TPTE2: variants seen among roughly 807,000 people sequenced by gnomAD.
TPTE2 encodes the protein phosphatidylinositol 3,4,5-trisphosphate 3-phosphatase TPTE2.
TPTE2 carries 53 observed loss-of-function variants against 78.6 expected under a neutral mutation model. The observed-to-expected ratio is 0.67, with a 90% confidence interval of 0.54 to 0.85. The LOEUF is 0.85. Ranked by LOEUF, TPTE2 falls within the 40% of genes least tolerant of loss-of-function variation. The pLI, the probability that TPTE2 is intolerant of heterozygous loss-of-function variation, is 0.00. For synonymous variants in TPTE2, 175 were observed against 206.2 expected (o/e 0.85, Z 1.30); for missense variants, 461 against 623.0 (o/e 0.74, Z 2.77).
intron 1 of TPTE2, among the ~76,000 whole-genome samples, chr13:19,523,474 T>C (rs750691057): frequency 2.6e-5 from 4 of 152,310 alleles, no homozygotes; most frequent in Admixed American, 2.0e-4. Context: ...CTTTTATTTT[T>C]ATTTTTTATT....
chr13:19,554,105 G>A, the TPTE2 span, among the ~76,000 whole-genome samples: 6 of 152,146 alleles, frequency 3.9e-5, no homozygotes, highest in Non-Finnish European at 7.3e-5. Flanking sequence ...GCCGGGCATG[G>A]TGGCTCACGC....
chr13:19,469,412 G>A (rs1879474157), intron 6 of TPTE2, among the ~76,000 whole-genome samples: 1 of 152,102 alleles, frequency 6.6e-6, no homozygotes, highest in African/African-American at 2.4e-5. Flanking sequence ...GTGCCATGGT[G>A]TTTTGGTTAT....
intron 14 of TPTE2, 93 bp from the exon 18 acceptor site, chr13:19,436,399 C>A (rs1877092482): frequency 1.7e-6 from 2 of 1,175,216 alleles, no homozygotes; most frequent in Non-Finnish European, 2.4e-6. Context: ...CACCTTCTTT[C>A]CTAAAGTCAG....
chr13:19,507,797 C>T (rs1869173481), upstream of TPTE2, among the ~76,000 whole-genome samples: 1 of 152,170 alleles, frequency 6.6e-6, no homozygotes, highest in Non-Finnish European at 1.5e-5. Flanking sequence ...CCAGCTGTAC[C>T]CAGTTGTAAC....
In TPTE2 at chr13:19,423,171, A is replaced by T. The variant is rs761236507; in HGVS notation, c.1467-7T>A. ...ATTTCTTGGTAGACAAAGCCTAAGA[A>T]TAGAAAAAAAAAATTACATTTTATA... On this transcript the variant is annotated splice_polypyrimidine_tract_variant and splice_region_variant and intron_variant, in intron 19 of 19. Coordinates refer to ENST00000400230, the Ensembl canonical transcript of TPTE2. 6.3e-7 allele frequency: 1 copy of T among 1,597,044 alleles called. No individual in the cohort carries two copies. Among genetic ancestry groups the T allele is most frequent in the Non-Finnish European group, 8.5e-7 (1 of 1,172,450 alleles).
intron 15 of TPTE2, 31 bp downstream of exon 18, chr13:19,436,195 A>G (rs1363641084): frequency 6.3e-7 from 1 of 1,582,186 alleles, no homozygotes; most frequent in Non-Finnish European, 8.6e-7. Context: ...ACTCCCCTAA[A>G]AAAACTCCCA....
chr13:19,476,745 A>G (rs1308917466), intron 4 of TPTE2, among the ~76,000 whole-genome samples: 3 of 152,200 alleles, frequency 2.0e-5, no homozygotes, highest in African/African-American at 7.2e-5. Flanking sequence ...GAGAAAAGGG[A>G]ACACTTATAC....
chr13:19,470,988 C>T (rs1262906145), intron 6 of TPTE2, among the ~76,000 whole-genome samples: 1 of 151,754 alleles, frequency 6.6e-6, no homozygotes, highest in Non-Finnish European at 1.5e-5. Flanking sequence ...CAGCTCACTG[C>T]AACCTCTGCC....
chr13:19,557,149 C>T, the TPTE2 span, among the ~76,000 whole-genome samples: 2 of 152,190 alleles, frequency 1.3e-5, no homozygotes, highest in African/African-American at 4.8e-5. Context: ...CATAGAGGTA[C>T]ACTGTAAATG....
intron 1 of TPTE2, among the ~76,000 whole-genome samples, chr13:19,498,388 C>A (rs1191973288): frequency 6.6e-6 from 1 of 152,030 alleles, no homozygotes; most frequent in Non-Finnish European, 1.5e-5. Context: ...ATGTTCAGGG[C>A]AGCCAGAAAG....
At chr13:19,434,684 G>C (rs985478651) in intron 15 of TPTE2, among the ~76,000 whole-genome samples, 1 of 152,118 alleles carries the variant, frequency 6.6e-6, no homozygotes, top group Non-Finnish European at 1.5e-5. Flanking sequence ...GTTTAGGGCC[G>C]GTAGTTAGAG....
At chr13:19,471,575 G>A (rs1363154471) in intron 6 of TPTE2, among the ~76,000 whole-genome samples, 1 of 151,924 alleles carries the variant, frequency 6.6e-6, no homozygotes, top group Non-Finnish European at 1.5e-5. Flanking sequence ...ACTTAAATTT[G>A]TCTCGCTATT....
At chr13:19,515,669 T>C (rs148390689) in intron 1 of TPTE2, among the ~76,000 whole-genome samples, 1,988 of 152,314 alleles carry the variant, frequency 0.013, 21 homozygotes, top group Non-Finnish European at 0.022. Context: ...AGGCATCCGC[T>C]ACTTTTCAGC....
chr13:19,450,031 T>G (rs1223623775), intron 13 of TPTE2, 45 bp downstream of exon 16: 2 of 1,603,324 alleles, frequency 1.2e-6, no homozygotes, highest in African/African-American at 2.7e-5. Flanking sequence ...TATCTATATT[T>G]ACATGTCTTT....
the TPTE2 span, chr13:19,560,585 G>C: frequency 1.2e-6 from 2 of 1,600,324 alleles, no homozygotes; most frequent in Non-Finnish European, 1.7e-6. Flanking sequence ...ACGATCTCTC[G>C]GTCAAAGAGG....
chr13:19,530,019 T>G (rs1194801901), intron 1 of TPTE2, among the ~76,000 whole-genome samples: 10 of 152,172 alleles, frequency 6.6e-5, no homozygotes, highest in Non-Finnish European at 1.3e-4. Flanking sequence ...TTCCTGCATT[T>G]GTGGTCATCT....
intron 1 of TPTE2, among the ~76,000 whole-genome samples, chr13:19,528,068 T>C (rs533873222): frequency 1.3e-5 from 2 of 152,106 alleles, no homozygotes; most frequent in East Asian, 3.9e-4. Flanking sequence ...GGCCAAATCC[T>C]CAACTCTGGC....
chr13:19,488,560 A>G (rs1187245337), intron 3 of TPTE2, among the ~76,000 whole-genome samples: 2 of 152,188 alleles, frequency 1.3e-5, no homozygotes, highest in East Asian at 3.9e-4. Context: ...TGTTATAGAG[A>G]TGGCTTCTTT....
intron 1 of TPTE2, among the ~76,000 whole-genome samples, chr13:19,523,872 T>C (rs1870336572): frequency 6.6e-6 from 1 of 152,160 alleles, no homozygotes; most frequent in Non-Finnish European, 1.5e-5. Flanking sequence ...ACTAAAGTCA[T>C]CAGTCAACAT....
Sources: allele counts gnomAD v4.1 joint callset (sites outside exome capture counted in the v4.1 genomes callset), GRCh38; gene constraint gnomAD v4.1.1; transcripts MANE v1.5; gene names NCBI Gene and HGNC (gene_info 2026-07-23, HGNC 2026-07-21).